PCDHA6: variants seen among roughly 807,000 people sequenced by gnomAD.
PCDHA6 encodes the protein protocadherin alpha 6.
A neutral mutation model predicts 60.3 loss-of-function variants in PCDHA6; 55 were observed. The ratio of observed to expected loss-of-function variants is 0.91; its 90% CI spans 0.73 to 1.14. PCDHA6 has a LOEUF of 1.14. PCDHA6 is among the 50% of genes most tolerant of loss of function. PCDHA6 has a pLI of 0.00. For synonymous variants in PCDHA6, 652 were observed against 557.9 expected (o/e 1.17, Z -2.38); for missense variants, 1,327 against 1,256.5 (o/e 1.06, Z -0.85).
chr5:140,899,619 A>G (rs2067442008), intron 1 of PCDHA6, among the ~76,000 whole-genome samples: 2 of 152,136 alleles, frequency 1.3e-5, no homozygotes, highest in Admixed American at 1.3e-4. Context: ...AATGTTCATC[A>G]AGGATATTGG....
At chr5:140,869,412 C>T (rs1164802929) in intron 1 of PCDHA6, 3 of 1,614,078 alleles carry the variant, frequency 1.9e-6, no homozygotes, top group Admixed American at 1.7e-5. Flanking sequence ...CGGAGTGCAG[C>T]ATCCACCTGG....
Position 141,010,907 on chromosome 5 carries a change from C to G in PCDHA6, c.*970C>G, listed in dbSNP as rs2098418753. 6.5e-6 allele frequency: 1 copy of G among 153,766 alleles called. No individual in the cohort carries two copies. 9.5% of individuals were successfully genotyped at this position (153,766 alleles called of 1,614,324 possible). A position where few individuals can be genotyped will look rare whatever the true frequency, so the allele number is the denominator to read the frequency against. ...GAAATATGAATACAATTCCCCTAAACTCTCCTCAAAAGAGAATTCAGTCTA... is the reference window on the plus strand; with the variant it reads ...GAAATATGAATACAATTCCCCTAAAGTCTCCTCAAAAGAGAATTCAGTCTA... On this transcript the variant is annotated 3_prime_UTR_variant, in exon 4 of 4. Coordinates refer to ENST00000529310, the MANE Select transcript of PCDHA6 (RefSeq NM_018909.4).
At position 140,830,073 on chromosome 5, in the gene PCDHA6, C is replaced by A. The variant is rs782807658; in HGVS notation, c.1982C>A (p.Ala661Glu). Residue 661 changes from alanine (A) to glutamate (E), a missense_variant, in exon 1 of 4, where the codon GCG (alanine) becomes GAG (glutamate). By Grantham distance (107) the Ala-to-Glu change is moderately radical (BLOSUM62 -1). Coordinates refer to ENST00000529310, the MANE Select transcript of PCDHA6 (RefSeq NM_018909.4). ...GACCACGGTGAGCCGGCGCTGACAG[C>A]GACGGCCACGGTTCTGGTGTCGCTG... ...VKDHGEPALT[A>E]TATVLVSLVE... 1.2e-6 allele frequency: 2 copies of A among 1,613,470 alleles called. No individual in the cohort carries two copies. The highest frequency in any genetic ancestry group is 2.7e-5 in the African/African-American group (2 of 74,898).
intron 1 of PCDHA6, among the ~76,000 whole-genome samples, chr5:140,873,389 T>C (rs2054266406): frequency 6.6e-6 from 1 of 152,220 alleles, no homozygotes; most frequent in Admixed American, 6.5e-5. Flanking sequence ...GACTTGGGAA[T>C]GTTTTCAGTA....
Position 140,924,861 on chromosome 5 carries a change from C to T in PCDHA6, c.2395-54088C>T, listed in dbSNP as rs150955497. ...AGGGAGCTCAGATCGTGCCACTGCA[C>T]TCCAGCCTGGGTGACAGAGCAAGAA... On this transcript the variant is annotated intron_variant, in intron 1 of 3. Transcript: ENST00000529310. Among the ~76,000 whole-genome samples, 427 of 150,140 alleles carry T rather than the reference C, an allele frequency of 2.8e-3. 1 individual carries two copies. The highest frequency in any genetic ancestry group is 0.01 in the African/African-American group (408 of 40,512).
intron 1 of PCDHA6, among the ~76,000 whole-genome samples, chr5:140,832,318 G>T (rs1416750803): frequency 1.3e-5 from 2 of 152,116 alleles, no homozygotes; most frequent in Non-Finnish European, 2.9e-5. Context: ...GTTGCTTAAG[G>T]GCCATTAGAG....
intron 3 of PCDHA6, among the ~76,000 whole-genome samples, chr5:141,006,902 A>T (rs1563704110): frequency 6.6e-6 from 1 of 152,218 alleles, no homozygotes; most frequent in Non-Finnish European, 1.5e-5. Context: ...AGATTTCTTC[A>T]GTTTGGGATG....
chr5:140,846,369 C>CTTTTTTTTTTTTTTT (rs797033964), intron 1 of PCDHA6, among the ~76,000 whole-genome samples: 7 of 102,190 alleles, frequency 6.8e-5, no homozygotes, highest in Non-Finnish European at 1.2e-4. Context: ...TCTTTTCTTT[C>CTTTTTTTTTTTTTTT]TTTCTTTTTT....
chr5:140,853,247 C>T lies in PCDHA6; in HGVS notation c.2394+22762C>T, dbSNP rs985398812. ...GTAATTTAGTCCTTCATATTAATCT[C>T]TATTCTCTCTCAGAGTACAAGCTCT... On this transcript the variant is annotated intron_variant, in intron 1 of 3. Transcript: ENST00000529310. 2 of 976,048 alleles carry T rather than the reference C, an allele frequency of 2.0e-6. 1 individual carries two copies. Among genetic ancestry groups the T allele is most frequent in the Non-Finnish European group, 2.5e-6 (2 of 809,028 alleles). 60.5% of individuals were successfully genotyped at this position (976,048 alleles called of 1,614,324 possible).
chr5:140,938,439 A>C (rs2092064072), intron 1 of PCDHA6, among the ~76,000 whole-genome samples: 1 of 152,208 alleles, frequency 6.6e-6, no homozygotes, highest in African/African-American at 2.4e-5. Flanking sequence ...TATCAGATTT[A>C]TTAAGTTCCC....
chr5:140,927,848 G>A (rs1295513512), intron 1 of PCDHA6: 3 of 1,614,062 alleles, frequency 1.9e-6, no homozygotes, highest in Non-Finnish European at 2.5e-6. Context: ...GGTGTCTTTG[G>A]TTTAGCTAGC....
At chr5:140,994,178 A>G (rs2097601690) in intron 3 of PCDHA6, among the ~76,000 whole-genome samples, 1 of 152,226 alleles carries the variant, frequency 6.6e-6, no homozygotes, top group Admixed American at 6.5e-5. Context: ...AAGCTGGGAC[A>G]AACCACCAGG....
Position 140,872,869 on chromosome 5 carries a change from T to G in PCDHA6, c.2394+42384T>G, listed in dbSNP as rs192241401. On this transcript the variant is annotated intron_variant, in intron 1 of 3. Coordinates refer to ENST00000529310, the MANE Select transcript of PCDHA6 (RefSeq NM_018909.4). ...ATTAATGTGAGTACCTACTGACAAT[T>G]ATCAGTTTCATTCATCTCACTTTGT... is the stretch of plus-strand genomic sequence containing the variant. 4.6e-5 allele frequency among the ~76,000 whole-genome samples: 7 copies of G among 152,364 alleles called. No individual in the cohort carries two copies. In the East Asian group the frequency reaches 1.3e-3, roughly 29 times the overall value.
chr5:140,848,483 C>A, intron 1 of PCDHA6: 1 of 1,570,024 alleles, frequency 6.4e-7, no homozygotes, highest in Non-Finnish European at 8.7e-7. Context: ...TAGAAGAAGA[C>A]TGAGTATTTG....
chr5:140,876,106 C>G, intron 1 of PCDHA6: 1 of 1,613,942 alleles, frequency 6.2e-7, no homozygotes, highest in Admixed American at 1.7e-5. Context: ...CAATTTATTG[C>G]TGATGGTAAT....
At chr5:140,911,591 A>G (rs2075552073) in intron 1 of PCDHA6, among the ~76,000 whole-genome samples, 2 of 152,222 alleles carry the variant, frequency 1.3e-5, no homozygotes, top group Non-Finnish European at 1.5e-5. Context: ...AGGAGGAACC[A>G]ACCAACTTCA....
At chr5:141,008,502 G>A (rs539439181) in intron 3 of PCDHA6, among the ~76,000 whole-genome samples, 2 of 152,110 alleles carry the variant, frequency 1.3e-5, no homozygotes, top group South Asian at 4.2e-4. Context: ...TATACTTTAT[G>A]GTGTGTCTTC....
intron 1 of PCDHA6, chr5:140,847,470 C>A (rs972055023): frequency 6.7e-6 from 1 of 149,674 alleles, no homozygotes; most frequent in Non-Finnish European, 1.5e-5. Context: ...TCGACTTGGA[C>A]GTTGGAATAA....
chr5:140,911,509 A>G (rs1378667100), intron 1 of PCDHA6, among the ~76,000 whole-genome samples: 1 of 152,214 alleles, frequency 6.6e-6, no homozygotes, highest in Admixed American at 6.5e-5. Flanking sequence ...GAGGTTCAGT[A>G]TCTGCTTCTG....
Sources: gnomAD v4.1 joint callset for allele counts (sites outside exome capture counted in the v4.1 genomes callset) on GRCh38, gnomAD v4.1.1 for gene constraint, MANE v1.5 for transcripts, NCBI Gene and HGNC (gene_info 2026-07-23, HGNC 2026-07-21) for gene names.